The following CACUL1 variants were observed in gnomAD, a reference collection of about 807,000 sequenced individuals.
The protein encoded by CACUL1 is CDK2 associated cullin domain 1.
A neutral mutation model predicts 45.2 loss-of-function variants in CACUL1; 13 were observed. The observed-to-expected ratio is 0.29, with a 90% CI of 0.19 to 0.46. CACUL1 has a LOEUF of 0.46. CACUL1 is among the 20% of genes least tolerant of loss of function. The pLI, the probability that CACUL1 is intolerant of heterozygous loss-of-function variation, is 1.00. For missense variants in CACUL1, 421 were observed against 471.4 expected (o/e 0.89, Z 0.99); for synonymous variants, 197 against 174.2 (o/e 1.13, Z -1.03).
At position 118,749,568 on chromosome 10, in the gene CACUL1, A is replaced by C. The variant is rs538561872; in HGVS notation, c.367+4828T>G. Among the ~76,000 whole-genome samples the C allele has an allele frequency of 3.9e-5, 6 of 152,362 alleles. No individual in the cohort carries two copies. The South Asian group carries it at 1.2e-3, about 32-fold the overall frequency. On this transcript the variant is annotated intron_variant, in intron 1 of 8. Coordinates refer to ENST00000369151, the MANE Select transcript of CACUL1 (RefSeq NM_153810.5). The stretch of plus-strand genomic sequence containing the variant: ...TCACAGACACAGAAATGCTGGAATA[A>C]AGAAGAGGATGAGTTCCACTGAGGA...
At chr10:118,731,631 T>C (rs1348025898) in intron 1 of CACUL1, among the ~76,000 whole-genome samples, 1 of 152,134 alleles carries the variant, frequency 6.6e-6, no homozygotes, top group African/African-American at 2.4e-5. Context: ...ATTTACATGA[T>C]ACTAATAAAG....
chr10:118,700,442 G>A (rs1845367650), intron 5 of CACUL1, among the ~76,000 whole-genome samples: 1 of 152,064 alleles, frequency 6.6e-6, no homozygotes, highest in South Asian at 2.1e-4. Context: ...GAGAGGCCAG[G>A]TGCAGTGGCT....
intron 4 of CACUL1, among the ~76,000 whole-genome samples, chr10:118,704,407 T>C (rs565587578): frequency 6.6e-6 from 1 of 152,322 alleles, no homozygotes; most frequent in African/African-American, 2.4e-5. Context: ...TTCATTTTAA[T>C]ATCAGGTGAT....
At chr10:118,701,822 T>C (rs1041298736) in intron 4 of CACUL1, among the ~76,000 whole-genome samples, 6 of 152,134 alleles carry the variant, frequency 3.9e-5, no homozygotes, top group African/African-American at 1.4e-4. Context: ...CAGCACACAC[T>C]CAATTTCACT....
chr10:118,700,114 C>G (rs1845364268), intron 5 of CACUL1, among the ~76,000 whole-genome samples: 1 of 150,100 alleles, frequency 6.7e-6, no homozygotes. Flanking sequence ...AATTCAGCAT[C>G]AAAAATGAAA....
At chr10:118,750,612 C>G (rs2119687229) in intron 1 of CACUL1, among the ~76,000 whole-genome samples, 2 of 152,344 alleles carry the variant, frequency 1.3e-5, no homozygotes, top group South Asian at 4.1e-4. Context: ...TATACCTTCA[C>G]TGCCATAGCT....
At chr10:118,686,846 C>T in intron 7 of CACUL1, 1 of 552,118 alleles carries the variant, frequency 1.8e-6, no homozygotes, top group Non-Finnish European at 3.2e-6. Context: ...CTGTATTAAC[C>T]AGTTCATCCT....
chr10:118,706,555 G>A (rs1008888382), intron 4 of CACUL1, among the ~76,000 whole-genome samples: 2 of 152,126 alleles, frequency 1.3e-5, no homozygotes, highest in African/African-American at 4.8e-5. Flanking sequence ...TATTCCTAAT[G>A]TCATCAACAA....
At chr10:118,703,828 A>C (rs556925706) in intron 4 of CACUL1, among the ~76,000 whole-genome samples, 2 of 152,110 alleles carry the variant, frequency 1.3e-5, no homozygotes, top group Non-Finnish European at 2.9e-5. Context: ...TCATGTTTAT[A>C]ATCTTTTTTT....
rs1175493654 is a variant in CACUL1 at position 118,677,608 on chromosome 10, C to CTT, written c.*8518_*8519dup. 6.6e-6 allele frequency: 1 copy of CTT among 152,184 alleles called. No homozygotes were observed. The allele number at this position is 152,184 out of a possible 1,614,324, so 9.4% of individuals were successfully genotyped here. A position where few individuals can be genotyped will look rare whatever the true frequency, so the allele number is the denominator to read the frequency against. On this transcript the variant is annotated 3_prime_UTR_variant, in exon 9 of 9. Transcript: ENST00000369151. ...ATACTTAGTTTTTTCTGATTTTGAACTTTACATAAAGGTACCCATGCTGGC... is the reference window on the plus strand; with the variant it reads ...ATACTTAGTTTTTTCTGATTTTGAACTTTTTACATAAAGGTACCCATGCTGGC...
intron 4 of CACUL1, among the ~76,000 whole-genome samples, chr10:118,701,998 G>A (rs1176051223): frequency 6.6e-6 from 1 of 152,188 alleles, no homozygotes; most frequent in African/African-American, 2.4e-5. Context: ...GCCCAAGCCT[G>A]CATGTATACA....
intron 3 of CACUL1, among the ~76,000 whole-genome samples, chr10:118,708,684 T>C (rs971181882): frequency 2.6e-5 from 4 of 152,112 alleles, no homozygotes; most frequent in African/African-American, 9.7e-5. Context: ...CTGTGATCTA[T>C]AGGATTAGTG....
intron 5 of CACUL1, among the ~76,000 whole-genome samples, chr10:118,696,825 TTCTC>T (rs1266500512): frequency 1.3e-5 from 2 of 152,208 alleles, no homozygotes; most frequent in African/African-American, 4.8e-5. Context: ...GTTTTCAAAG[TTCTC>T]TCTATTAATC....
chr10:118,701,528 C>G, intron 4 of CACUL1, 120 bp from the exon 5 acceptor site: 1 of 491,074 alleles, frequency 2.0e-6, no homozygotes, highest in Admixed American at 3.5e-5. Context: ...AGCAGAAAAA[C>G]TCAACATCCA....
intron 7 of CACUL1, among the ~76,000 whole-genome samples, chr10:118,688,288 C>T (rs2119543247): frequency 6.6e-6 from 1 of 152,340 alleles, no homozygotes; most frequent in Non-Finnish European, 1.5e-5. Flanking sequence ...CTACACCTAG[C>T]CAAAGCCAAG....
chr10:118,736,673 C>T (rs1845743552), intron 1 of CACUL1, among the ~76,000 whole-genome samples: 1 of 152,046 alleles, frequency 6.6e-6, no homozygotes, highest in Admixed American at 6.6e-5. Flanking sequence ...TTTAGTAAAA[C>T]CTAAGTGTAC....
chr10:118,691,363 A>G lies in CACUL1; in HGVS notation c.927T>C (p.Ile309=). Residue 309 remains isoleucine (I), a synonymous_variant, in exon 7 of 9, where the codon ATT becomes ATC. Transcript: ENST00000369151. ...QMAPTLFSKF[I]PNILPPAVES... is the part of the protein sequence containing the mutation. ...CCACCGCCGGAGGGAGAATGTTTGG[A>G]ATAAATTTAGAAAATAGAGTTGGAG... 6.2e-7 allele frequency: 1 copy of G among 1,613,208 alleles called. No homozygotes were observed. The highest frequency in any genetic ancestry group is 2.2e-5 in the East Asian group (1 of 44,882).
At chr10:118,749,731 T>C (rs896290444) in intron 1 of CACUL1, among the ~76,000 whole-genome samples, 2 of 152,192 alleles carry the variant, frequency 1.3e-5, no homozygotes, top group African/African-American at 4.8e-5. Context: ...TCTAAGCCAA[T>C]ACGAACCCTA....
intron 7 of CACUL1, 52 bp from the exon 8 acceptor site, chr10:118,686,693 G>C (rs759270848): frequency 2.4e-6 from 3 of 1,255,530 alleles, no homozygotes; most frequent in Admixed American, 3.4e-5. Flanking sequence ...CAAAACAGGA[G>C]GAAAGGATCA....
Sources: gnomAD v4.1 joint callset for allele counts (sites outside exome capture counted in the v4.1 genomes callset) on GRCh38, gnomAD v4.1.1 for gene constraint, MANE v1.5 for transcripts, NCBI Gene and HGNC (gene_info 2026-07-23, HGNC 2026-07-21) for gene names.